The following BACE1 variants were observed in gnomAD, a reference collection of about 807,000 sequenced individuals.
The protein encoded by BACE1 is beta-secretase 1.
BACE1 carries 21 observed loss-of-function variants against 54.0 expected under a neutral mutation model. That is an observed-to-expected ratio of 0.39 (90% CI 0.28 to 0.56). BACE1 has a LOEUF of 0.56. Among genes scored for constraint, BACE1 ranks in the 20% least tolerant of loss-of-function variants. The pLI, the probability that BACE1 is intolerant of heterozygous loss-of-function variation, is 0.63. For synonymous variants in BACE1, 232 were observed against 260.9 expected, an observed-to-expected ratio of 0.89 and a Z score of 1.07; for missense variants, 511 against 661.2, an observed-to-expected ratio of 0.77 and a Z score of 2.49.
At chr11:117,308,978 A>G (rs1352678327) in intron 1 of BACE1, among the ~76,000 whole-genome samples, 1 of 152,070 alleles carries the variant, frequency 6.6e-6, no homozygotes, top group East Asian at 1.9e-4. Flanking sequence ...CAAAAAAACT[A>G]TATTGTGCTT....
intron 1 of BACE1, among the ~76,000 whole-genome samples, chr11:117,306,464 G>A (rs2034835065): frequency 1.3e-5 from 2 of 152,124 alleles, no homozygotes; most frequent in African/African-American, 4.8e-5. Flanking sequence ...GGAGATGCTA[G>A]AACTCACTCC....
In BACE1 at chr11:117,295,684, G is replaced by A. The variant is rs538581120; in HGVS notation, c.351-337C>T. 938 of 1,506,794 alleles carry A rather than the reference G, an allele frequency of 6.2e-4. 1 individual carries two copies. The highest frequency in any genetic ancestry group is 2.8e-3 in the South Asian group (228 of 80,292). The allele number at this position is 1,506,794 out of a possible 1,614,324, so 93.3% of individuals were successfully genotyped here. ...GGGACAGCTAGTGGGCATCTCTTCCGCCCTCTGGCTCCGTCAAGCTCCCCG... is the reference window on the plus strand; with the variant it reads ...GGGACAGCTAGTGGGCATCTCTTCCACCCTCTGGCTCCGTCAAGCTCCCCG... On this transcript the variant is annotated intron_variant, in intron 2 of 8. Coordinates refer to ENST00000313005, the MANE Select transcript of BACE1 (RefSeq NM_012104.6).
intron 2 of BACE1, 34 bp downstream of exon 2, chr11:117,296,839 A>G (rs1342789124): frequency 6.6e-7 from 1 of 1,524,970 alleles, no homozygotes; most frequent in East Asian, 2.3e-5. Context: ...ATCCTTGGAA[A>G]AGGTACTTCC....
intron 1 of BACE1, among the ~76,000 whole-genome samples, chr11:117,305,408 C>T (rs180754966): frequency 2.0e-4 from 31 of 152,276 alleles, no homozygotes; most frequent in African/African-American, 7.2e-4. Flanking sequence ...ACAAATCAGC[C>T]AGCCCTGTGC....
rs2034565202 is a variant in BACE1 at position 117,295,140 on chromosome 11, C to T, written c.558G>A (p.Glu186=). 6.2e-7 allele frequency: 1 copy of T among 1,614,010 alleles called. No individual in the cohort carries two copies. The highest frequency in any genetic ancestry group is 8.5e-7 in the Non-Finnish European group (1 of 1,179,994). The change falls in exon 3 of 9, where the codon GAG becomes GAA. Residue 186 remains glutamate, a synonymous_variant. Transcript: ENST00000313005. ...GCCCTGTTCCTCTCACCCTGGCAAT[C>T]TCAGCATAGGCCAGCCCCAGGATGC... ...WEGILGLAYA[E]IARPDDSLEP...
At chr11:117,309,742 T>G (rs1396264185) in intron 1 of BACE1, among the ~76,000 whole-genome samples, 1 of 152,234 alleles carries the variant, frequency 6.6e-6, no homozygotes, top group Non-Finnish European at 1.5e-5. Context: ...GTCCAAGGGC[T>G]AAGACTATGG....
chr11:117,307,037 C>T (rs969077044), intron 1 of BACE1, among the ~76,000 whole-genome samples: 3 of 152,066 alleles, frequency 2.0e-5, no homozygotes, highest in Non-Finnish European at 2.9e-5. Flanking sequence ...TCAGAATCCC[C>T]CCAGTTCTGC....
In BACE1 at chr11:117,315,677, C is replaced by G; in HGVS notation, c.119G>C (p.Gly40Ala). 6.5e-7 allele frequency: 1 copy of G among 1,531,252 alleles called. No individual in the cohort carries two copies. The highest frequency in any genetic ancestry group is 8.8e-7 in the Non-Finnish European group (1 of 1,141,476). 94.9% of individuals were successfully genotyped at this position (1,531,252 alleles called of 1,614,324 possible). A position where few individuals can be genotyped will look rare whatever the true frequency, so the allele number is the denominator to read the frequency against. Residue 40 changes from glycine (G) to alanine (A), a missense_variant, in exon 1 of 9, where the codon GGG (glycine) becomes GCG (alanine). Physicochemically the swap from Gly to Ala is moderately conservative, Grantham distance 60. Transcript: ENST00000313005. This position sits in a 1 kb window ranked among gnomAD's most constrained non-coding sequence, Gnocchi z 5.5. ...GTCGGTCTCCCGGGGCAGCCGCAGC[C>G]CCAGGGGGGCGCCCCCCAGGCCGCT... ...LRSGLGGAPL[G>A]LRLPRETDEE...
chr11:117,303,049 A>C (rs2034758368), intron 1 of BACE1, among the ~76,000 whole-genome samples: 1 of 152,206 alleles, frequency 6.6e-6, no homozygotes, highest in Non-Finnish European at 1.5e-5. Flanking sequence ...GGTTGAAGGA[A>C]AGAAAAGGTG....
chr11:117,310,402 A>G (rs978887635), intron 1 of BACE1, among the ~76,000 whole-genome samples: 1 of 152,208 alleles, frequency 6.6e-6, no homozygotes, highest in Admixed American at 6.5e-5. Flanking sequence ...AAATAAATAA[A>G]TAAAATTAAA....
At chr11:117,292,842 C>T in intron 5 of BACE1, 1 of 536,174 alleles carries the variant, frequency 1.9e-6, no homozygotes, top group Non-Finnish European at 3.3e-6. Flanking sequence ...GAACTAGTTC[C>T]ATGTTTTTTT....
At chr11:117,300,808 C>T (rs2034708690) in intron 1 of BACE1, among the ~76,000 whole-genome samples, 1 of 152,134 alleles carries the variant, frequency 6.6e-6, no homozygotes, top group African/African-American at 2.4e-5. Flanking sequence ...CACCCTGGCC[C>T]CATCTCCACC....
intron 1 of BACE1, among the ~76,000 whole-genome samples, chr11:117,307,922 G>A (rs2034866736): frequency 6.6e-6 from 1 of 151,964 alleles, no homozygotes; most frequent in Non-Finnish European, 1.5e-5. Context: ...TTGGAGGGTG[G>A]TTCTTTGAGC....
chr11:117,299,187 A>G (rs2034666971), intron 1 of BACE1, among the ~76,000 whole-genome samples: 1 of 152,066 alleles, frequency 6.6e-6, no homozygotes, highest in African/African-American at 2.4e-5. Flanking sequence ...TTGAAAGTCT[A>G]CTATATCCTC....
At chr11:117,296,068 C>T (rs1191650774) in intron 2 of BACE1, among the ~76,000 whole-genome samples, 1 of 152,128 alleles carries the variant, frequency 6.6e-6, no homozygotes, top group Non-Finnish European at 1.5e-5. Context: ...AGGGAAGGTG[C>T]GTTTTGCAGC....
In BACE1 at chr11:117,287,759, G is replaced by C. The variant is rs2034301094; in HGVS notation, c.*1807C>G. The C allele has an allele frequency of 6.6e-6, 1 of 152,656 alleles. No individual in the cohort carries two copies. The highest frequency in any genetic ancestry group is 2.4e-5 in the African/African-American group (1 of 41,454). 9.5% of individuals were successfully genotyped at this position (152,656 alleles called of 1,614,324 possible). A position where few individuals can be genotyped will look rare whatever the true frequency, so the allele number is the denominator to read the frequency against. On this transcript the variant is annotated 3_prime_UTR_variant, in exon 9 of 9. Transcript: ENST00000313005. ...TGTAGTTATGGGGTGTTCCCAGTCAGCCAAAGCAGCACCAAGTGCAGTGGG... is the reference window on the plus strand; with the variant it reads ...TGTAGTTATGGGGTGTTCCCAGTCACCCAAAGCAGCACCAAGTGCAGTGGG...
intron 1 of BACE1, among the ~76,000 whole-genome samples, chr11:117,299,869 C>G (rs927523973): frequency 6.6e-6 from 1 of 152,202 alleles, no homozygotes; most frequent in African/African-American, 2.4e-5. Flanking sequence ...TTACAGGGCT[C>G]CCTGCTATCA....
intron 1 of BACE1, among the ~76,000 whole-genome samples, chr11:117,308,202 G>A (rs960082820): frequency 1.3e-5 from 2 of 152,168 alleles, no homozygotes; most frequent in Non-Finnish European, 2.9e-5. Context: ...GTCCTTCTTG[G>A]TTTCTGAGAC....
intron 1 of BACE1, among the ~76,000 whole-genome samples, chr11:117,304,115 A>C (rs757825144): frequency 2.0e-5 from 3 of 152,234 alleles, no homozygotes; most frequent in Non-Finnish European, 4.4e-5. Flanking sequence ...GGGCTTAGCC[A>C]TGTGACTGGC....
Sources: gnomAD v4.1 joint callset for allele counts (sites outside exome capture counted in the v4.1 genomes callset) on GRCh38, gnomAD v4.1.1 for gene constraint, Gnocchi (gnomAD v3.1) non-coding constraint, MANE v1.5 for transcripts, NCBI Gene and HGNC (gene_info 2026-07-23, HGNC 2026-07-21) for gene names.